JMJD1C: variants seen among roughly 807,000 people sequenced by gnomAD.
The protein encoded by JMJD1C is jumonji domain containing 1C.
Under a neutral mutation model 245.3 loss-of-function variants are expected in JMJD1C, and 31 were observed. The observed-to-expected ratio is 0.13, with a 90% CI of 0.09 to 0.17. JMJD1C has a LOEUF of 0.17. JMJD1C is among the 10% of genes least tolerant of loss of function. The pLI, the probability that JMJD1C is intolerant of heterozygous loss-of-function variation, is 1.00. For synonymous variants in JMJD1C, 1,057 were observed against 1,017.4 expected (o/e 1.04, Z -0.74); for missense variants, 2,691 against 3,000.2 (o/e 0.90, Z 2.41).
At chr10:63,377,557 AAACCC>A (rs1296742299) in intron 2 of JMJD1C, among the ~76,000 whole-genome samples, 2 of 152,070 alleles carry the variant, frequency 1.3e-5, no homozygotes, top group African/African-American at 4.8e-5. Flanking sequence ...ATATGTTGAA[AAACCC>A]TGTCTCTACT....
chr10:63,399,825 A>C (rs2132573645), intron 1 of JMJD1C, among the ~76,000 whole-genome samples: 1 of 151,962 alleles, frequency 6.6e-6, no homozygotes, highest in East Asian at 1.9e-4. Flanking sequence ...AAATATTGAC[A>C]TACTTGATTC....
At chr10:63,398,153 G>C (rs1331614125) in intron 1 of JMJD1C, among the ~76,000 whole-genome samples, 2 of 152,018 alleles carry the variant, frequency 1.3e-5, no homozygotes, top group Non-Finnish European at 2.9e-5. Flanking sequence ...TCCCAGGTTG[G>C]GTTGTTTGTT....
chr10:63,189,165 C>T lies in JMJD1C; in HGVS notation c.6570+3G>A, dbSNP rs76935733. 1.7e-3 allele frequency: 2,796 copies of T among 1,602,552 alleles called. 43 individuals carry two copies. In the African/African-American group the frequency reaches 0.034, roughly 19 times the overall value. The stretch of plus-strand genomic sequence containing the variant: ...GTGTTCTTTATCAGCCTAAAATACA[C>T]ACCTGTCCTTGTTTCCAACATTCTT... On this transcript the variant is annotated splice_donor_region_variant and intron_variant, in intron 18 of 25. Transcript: ENST00000399262.
At chr10:63,243,474 C>T (rs1018022642) in intron 3 of JMJD1C, among the ~76,000 whole-genome samples, 22 of 152,088 alleles carry the variant, frequency 1.4e-4, no homozygotes, top group Admixed American at 8.5e-4. Context: ...TGCGCTGAGC[C>T]GAGATCACGC....
intron 1 of JMJD1C, among the ~76,000 whole-genome samples, chr10:63,456,636 T>C (rs1952433844): frequency 6.6e-6 from 1 of 152,144 alleles, no homozygotes; most frequent in Non-Finnish European, 1.5e-5. Context: ...AGACCTCTTC[T>C]AGCTTTGAAA....
chr10:63,214,644 C>T lies in JMJD1C; in HGVS notation c.1523G>A (p.Cys508Tyr), dbSNP rs1305916162. Residue 508 changes from cysteine (C) to tyrosine (Y), a missense_variant, in exon 8 of 26, where the codon TGT becomes TAT. Around this residue, in one of 9 missense-constraint regions of JMJD1C, gnomAD observed 1,562 missense variants for 1,490.7 expected, o/e 1.05. Transcript: ENST00000399262. ...KFVSRPPTPK[C>Y]VIDITNDTNL... The stretch of plus-strand genomic sequence containing the variant: ...AGTGTCATTTGTAATATCAATAACA[C>T]ATTTTGGTGTGGGTGGTCTGGATAC... The T allele has an allele frequency of 1.2e-6, 2 of 1,614,094 alleles. No homozygotes were observed. Among genetic ancestry groups the T allele is most frequent in the Admixed American group, 1.7e-5 (1 of 60,028 alleles).
chr10:63,511,633 T>C (rs1954874672), intron 1 of JMJD1C, among the ~76,000 whole-genome samples: 1 of 151,800 alleles, frequency 6.6e-6, no homozygotes, highest in Non-Finnish European at 1.5e-5. Flanking sequence ...TTGAGTTGCT[T>C]GAACCAAGGA....
At chr10:63,222,113 C>T in intron 3 of JMJD1C, 1 of 636,368 alleles carries the variant, frequency 1.6e-6, no homozygotes, top group South Asian at 1.6e-5. Flanking sequence ...TTAAAACTTC[C>T]TTACATAGCA....
chr10:63,314,006 T>G (rs181149869), intron 2 of JMJD1C, among the ~76,000 whole-genome samples: 25 of 152,348 alleles, frequency 1.6e-4, no homozygotes, highest in Admixed American at 1.6e-3. Flanking sequence ...TAAGCCAATA[T>G]CTAGAAGGGT....
At chr10:63,403,989 C>T (rs944436064) in intron 1 of JMJD1C, among the ~76,000 whole-genome samples, 3 of 151,550 alleles carry the variant, frequency 2.0e-5, no homozygotes, top group African/African-American at 7.3e-5. Context: ...GTGGCACGCA[C>T]CTGTAGTCCC....
chr10:63,446,233 A>G (rs1951713165), intron 1 of JMJD1C, among the ~76,000 whole-genome samples: 1 of 152,114 alleles, frequency 6.6e-6, no homozygotes, highest in South Asian at 2.1e-4. Flanking sequence ...CAGTTTGGAT[A>G]TGGGATGTGA....
rs538571594 is a variant in JMJD1C at position 63,272,305 on chromosome 10, G to A, written c.334-7541C>T. 5.3e-5 allele frequency among the ~76,000 whole-genome samples: 8 copies of A among 152,106 alleles called. No individual in the cohort carries two copies. The South Asian group carries it at 6.2e-4, about 12-fold the overall frequency. ...TGCTCTTTTTTGCCCAGGCTGGAGT[G>A]CAATGGCACAATCTCGGCTCACTGC... On this transcript the variant is annotated intron_variant, in intron 2 of 25. Transcript: ENST00000399262.
intron 2 of JMJD1C, among the ~76,000 whole-genome samples, chr10:63,280,924 G>C (rs1564729103): frequency 6.6e-6 from 1 of 151,824 alleles, no homozygotes; most frequent in Non-Finnish European, 1.5e-5. Context: ...CAAGATGCTT[G>C]TGTGGCATGG....
At chr10:63,453,319 A>G (rs1467751747) in intron 1 of JMJD1C, among the ~76,000 whole-genome samples, 3 of 152,226 alleles carry the variant, frequency 2.0e-5, no homozygotes, top group African/African-American at 2.4e-5. Flanking sequence ...GTTTTGTTAC[A>G]TATATTTTAC....
intron 8 of JMJD1C, among the ~76,000 whole-genome samples, chr10:63,211,823 CAAAAAAAAAAAAA>C (rs59121081): frequency 2.6e-4 from 20 of 77,682 alleles, no homozygotes; most frequent in Non-Finnish European, 3.8e-4. Context: ...GACTCTGTCT[CAAAAAAAAAAAAA>C]AAAAAAAAAA....
chr10:63,316,969 C>T (rs1053159631), intron 2 of JMJD1C, among the ~76,000 whole-genome samples: 10 of 152,152 alleles, frequency 6.6e-5, no homozygotes, highest in Non-Finnish European at 8.8e-5. Flanking sequence ...GAGCAATTCT[C>T]ATGTCTCAGC....
At chr10:63,327,619 A>G (rs1941665691) in intron 2 of JMJD1C, among the ~76,000 whole-genome samples, 1 of 152,196 alleles carries the variant, frequency 6.6e-6, no homozygotes, top group Admixed American at 6.5e-5. Context: ...CTGTCAATGC[A>G]CTTTCAACTA....
At chr10:63,456,231 A>G (rs930671205) in intron 1 of JMJD1C, among the ~76,000 whole-genome samples, 10 of 152,270 alleles carry the variant, frequency 6.6e-5, no homozygotes, top group African/African-American at 2.4e-4. Context: ...TCTAGCGAAC[A>G]GTGGAAACGC....
chr10:63,245,424 C>T (rs1416136112), intron 3 of JMJD1C, among the ~76,000 whole-genome samples: 1 of 147,870 alleles, frequency 6.8e-6, no homozygotes, highest in African/African-American at 2.5e-5. Flanking sequence ...AGGAGCAAGT[C>T]ATGTTTCACA....
Sources: gnomAD v4.1 joint callset for allele counts (sites outside exome capture counted in the v4.1 genomes callset) on GRCh38, gnomAD v4.1.1 for gene constraint, gnomAD v4.1.1 regional missense constraint, MANE v1.5 for transcripts, NCBI Gene and HGNC (gene_info 2026-07-23, HGNC 2026-07-21) for gene names.